TAOK3: variants seen among roughly 807,000 people sequenced by gnomAD.
The protein encoded by TAOK3 is serine/threonine-protein kinase TAO3.
In TAOK3, 40 loss-of-function variants were observed where a neutral mutation model predicts 120.4. That is an observed-to-expected ratio of 0.33 (90% CI 0.26 to 0.43). The LOEUF is 0.43. Among genes scored for constraint, TAOK3 ranks in the 20% least tolerant of loss-of-function variants. The pLI, the probability that TAOK3 is intolerant of heterozygous loss-of-function variation, is 1.00. For synonymous variants in TAOK3, 355 were observed against 387.5 expected, an observed-to-expected ratio of 0.92 and a Z score of 0.99; for missense variants, 821 against 1,112.1, an observed-to-expected ratio of 0.74 and a Z score of 3.72.
chr12:118,209,041 G>A (rs2038484977), intron 11 of TAOK3, among the ~76,000 whole-genome samples: 1 of 152,000 alleles, frequency 6.6e-6, no homozygotes, highest in Non-Finnish European at 1.5e-5. Context: ...CTTATACAGG[G>A]ACAAAATGCC....
In TAOK3 at chr12:118,238,179, GA is replaced by G. The variant is rs746260785; in HGVS notation, c.341-11del. On this transcript the variant is annotated splice_polypyrimidine_tract_variant and intron_variant, in intron 6 of 20. Coordinates refer to ENST00000392533, the MANE Select transcript of TAOK3 (RefSeq NM_016281.4). ...AGTGGTTTTTTATGAACTGAGGAAG[GA>G]AAAAAAAAAAAGTCAGTAGATGATC... 95,182 of 1,062,500 alleles carry G rather than the reference GA, an allele frequency of 0.09. 3 individuals carry two copies. Among genetic ancestry groups the G allele is most frequent in the South Asian group, 0.14 (7,407 of 51,996 alleles). The allele number at this position is 1,062,500 out of a possible 1,614,324, so 65.8% of individuals were successfully genotyped here. A position where few individuals can be genotyped will look rare whatever the true frequency, so the allele number is the denominator to read the frequency against.
chr12:118,302,698 T>G (rs774111742), intron 1 of TAOK3, among the ~76,000 whole-genome samples: 1 of 152,180 alleles, frequency 6.6e-6, no homozygotes, highest in Non-Finnish European at 1.5e-5. Flanking sequence ...ACTCAAGACA[T>G]GTTGGATAAA....
chr12:118,172,952 C>T (rs207473426), intron 16 of TAOK3, among the ~76,000 whole-genome samples: 29 of 152,088 alleles, frequency 1.9e-4, no homozygotes, highest in Non-Finnish European at 2.9e-5. Flanking sequence ...AGGCAGTGTG[C>T]AAGATACAGG....
chr12:118,334,389 A>T (rs1207899224), intron 1 of TAOK3, among the ~76,000 whole-genome samples: 1 of 152,116 alleles, frequency 6.6e-6, no homozygotes, highest in Non-Finnish European at 1.5e-5. Context: ...AAATATCATG[A>T]CTCAACTTAT....
intron 1 of TAOK3, among the ~76,000 whole-genome samples, chr12:118,302,201 A>G (rs1264010405): frequency 6.6e-6 from 1 of 152,210 alleles, no homozygotes; most frequent in African/African-American, 2.4e-5. Flanking sequence ...CTTACTGACC[A>G]CATCCATACT....
Position 118,160,151 on chromosome 12 carries a change from G to C in TAOK3, c.2347C>G (p.Gln783Glu), listed in dbSNP as rs1481262579. Residue 783 changes from glutamine to glutamate, a missense_variant, in exon 19 of 21, where the codon CAA becomes GAA. Coordinates refer to ENST00000392533, the MANE Select transcript of TAOK3 (RefSeq NM_016281.4). The surrounding 1 kb of genome is among the most constrained non-coding windows in gnomAD (Gnocchi z 4.2). The part of the protein sequence containing the change: ...EQSINEMMAS[Q>E]ALRLDEAQEA... Reference sequence around the variant, plus strand: ...CACCAAACCTAACCACTTACCGCTTGAGAGGCCATCATTTCATTTATACTC... The same window carrying C: ...CACCAAACCTAACCACTTACCGCTTCAGAGGCCATCATTTCATTTATACTC... 4 of 1,613,592 alleles carry C rather than the reference G, an allele frequency of 2.5e-6. No individual in the cohort carries two copies. The highest frequency in any genetic ancestry group is 2.2e-5 in the South Asian group (2 of 91,072).
chr12:118,247,025 T>C (rs2040545502), intron 3 of TAOK3: 1 of 757,664 alleles, frequency 1.3e-6, no homozygotes, highest in Non-Finnish European at 2.1e-6. Context: ...TAAAAGAATT[T>C]ATACCAGAAT....
At chr12:118,254,802 G>A (rs1014056123) in intron 3 of TAOK3, among the ~76,000 whole-genome samples, 1 of 152,050 alleles carries the variant, frequency 6.6e-6, no homozygotes, top group African/African-American at 2.4e-5. Context: ...CTGTTGCCCA[G>A]GCCAGAGTGC....
At chr12:118,354,235 A>G (rs1274422439) in intron 1 of TAOK3, among the ~76,000 whole-genome samples, 1 of 152,180 alleles carries the variant, frequency 6.6e-6, no homozygotes, top group Non-Finnish European at 1.5e-5. Flanking sequence ...ATTAGCCACA[A>G]TACTCTTGCA....
intron 15 of TAOK3, 144 bp downstream of exon 15, chr12:118,181,227 T>C (rs2036698927): frequency 7.4e-6 from 5 of 673,712 alleles, no homozygotes; most frequent in South Asian, 5.3e-5. Context: ...TACATAGCCC[T>C]ATAAAATCTA....
chr12:118,172,330 T>A, intron 17 of TAOK3, 127 bp downstream of exon 17: 1 of 974,644 alleles, frequency 1.0e-6, no homozygotes, highest in Non-Finnish European at 1.6e-6. Flanking sequence ...CTACTCTGTG[T>A]TAGCCACTGT....
At chr12:118,205,325 C>A (rs2038239875) in intron 11 of TAOK3, among the ~76,000 whole-genome samples, 1 of 151,550 alleles carries the variant, frequency 6.6e-6, no homozygotes, top group South Asian at 2.1e-4. Context: ...CGAGATCAGG[C>A]CACTGCACTC....
In TAOK3 at chr12:118,151,124, C is replaced by T. The variant is rs771321893; in HGVS notation, c.2570G>A (p.Arg857His). The change falls in exon 21 of 21, where the codon CGC (arginine) becomes CAC (histidine). Residue 857 changes from arginine to histidine, a missense_variant. Coordinates refer to ENST00000392533, the MANE Select transcript of TAOK3 (RefSeq NM_016281.4). ...CAATAGGTTCTTTATTCTCTCGCTG[C>T]GTTCCTTCTGAAGGGCAGCCAGCTC... The part of the protein sequence containing the change: ...EEELAALQKE[R>H]SERIKNLLER... The T allele has an allele frequency of 1.4e-5, 22 of 1,613,600 alleles. No homozygotes were observed. The highest frequency in any genetic ancestry group is 2.2e-5 in the East Asian group (1 of 44,884).
In TAOK3 at chr12:118,349,024, T is replaced by G. The variant is rs1459512499; in HGVS notation, c.-194+23624A>C. On this transcript the variant is annotated intron_variant, in intron 1 of 20. Transcript: ENST00000392533. ...CTCTTGCCTCAGGCTCTTGAGTAGC[T>G]GGGATTACAGGTGCTCACCACCACA... 4.6e-5 allele frequency among the ~76,000 whole-genome samples: 7 copies of G among 151,850 alleles called. No homozygotes were observed. In the East Asian group the frequency reaches 1.4e-3, roughly 30 times the overall value.
intron 1 of TAOK3, among the ~76,000 whole-genome samples, chr12:118,268,415 CTTCCAT>C (rs2041552427): frequency 6.6e-6 from 1 of 152,132 alleles, no homozygotes; most frequent in African/African-American, 2.4e-5. Flanking sequence ...AAACTATGGA[CTTCCAT>C]TTTCACATTT....
chr12:118,207,329 G>GA (rs200606908), intron 11 of TAOK3, among the ~76,000 whole-genome samples: 239 of 104,844 alleles, frequency 2.3e-3, no homozygotes, highest in Non-Finnish European at 2.7e-3. Context: ...TCCGTCTCAG[G>GA]AAAAAAAAAA....
chr12:118,315,670 T>G (rs1177459613), intron 1 of TAOK3, among the ~76,000 whole-genome samples: 1 of 152,172 alleles, frequency 6.6e-6, no homozygotes, highest in Non-Finnish European at 1.5e-5. Flanking sequence ...AAGTTTGAAA[T>G]ATTTTGTTAA....
At chr12:118,358,155 C>G (rs1214869871) in intron 1 of TAOK3, among the ~76,000 whole-genome samples, 1 of 152,036 alleles carries the variant, frequency 6.6e-6, no homozygotes, top group Non-Finnish European at 1.5e-5. Context: ...TTTTAACATA[C>G]AAATGATGAC....
chr12:118,239,898 G>A (rs540856239), intron 5 of TAOK3, among the ~76,000 whole-genome samples: 22 of 152,188 alleles, frequency 1.4e-4, no homozygotes, highest in Admixed American at 1.0e-3. Flanking sequence ...TAGGTGCAGC[G>A]GCTCACGCCT....
Sources: allele counts gnomAD v4.1 joint callset (sites outside exome capture counted in the v4.1 genomes callset), GRCh38; gene constraint gnomAD v4.1.1; non-coding constraint Gnocchi (gnomAD v3.1); transcripts MANE v1.5; gene names NCBI Gene and HGNC (gene_info 2026-07-23, HGNC 2026-07-21).